Variants in ARID1B observed in about 807,000 individuals in gnomAD.
ARID1B encodes the protein AT-rich interaction domain 1B, also known as AT-rich interactive domain-containing protein 1B.
Under a neutral mutation model 212.3 loss-of-function variants are expected in ARID1B, and 30 were observed. That is an observed-to-expected ratio of 0.14 (90% confidence interval 0.11 to 0.19). The LOEUF (loss-of-function observed/expected upper bound fraction) is 0.19. Ranked by LOEUF, ARID1B falls within the 10% of genes least tolerant of loss-of-function variation. The probability of loss-of-function intolerance (pLI) is 1.00; values close to 1 mark genes in which losing one functional copy is unlikely to be tolerated. For synonymous variants in ARID1B, 1,402 were observed against 1,301.7 expected (o/e 1.08, Z -1.66); for missense variants, 2,891 against 3,204.0 (o/e 0.90, Z 2.36).
intron 2 of ARID1B, among the ~76,000 whole-genome samples, chr6:156,837,834 G>A (rs1156404286): frequency 1.3e-5 from 2 of 152,200 alleles, no homozygotes; most frequent in Non-Finnish European, 1.5e-5. Flanking sequence ...CTTAATCCAG[G>A]CTTCCTCAGG....
rs556109279 is a variant in ARID1B at position 157,050,186 on chromosome 6, T to A, written c.2248-34476T>A. 6.6e-5 allele frequency among the ~76,000 whole-genome samples: 10 copies of A among 152,194 alleles called. No homozygotes were observed. The East Asian group carries it at 1.5e-3, about 23-fold the overall frequency. ...GGCCAAAGGAGCTCCACTTTGTATA[T>A]CATCAATGAAACCCCCTGTACCCAG... On this transcript the variant is annotated intron_variant, in intron 4 of 19. Transcript: ENST00000636930.
At chr6:156,887,960 CTT>C (rs1188016181) in intron 2 of ARID1B, among the ~76,000 whole-genome samples, 1 of 152,162 alleles carries the variant, frequency 6.6e-6, no homozygotes, top group Non-Finnish European at 1.5e-5. Flanking sequence ...TTTGTTGACT[CTT>C]TTAAAATTCT....
At chr6:156,776,092 G>T (rs1310437598), upstream of ARID1B, among the ~76,000 whole-genome samples, 1 of 152,170 alleles carries the variant, frequency 6.6e-6, no homozygotes, top group African/African-American at 2.4e-5. Context: ...GCTGAAGAAT[G>T]AAATAATTTT....
Position 157,190,217 on chromosome 6 carries a change from G to C in ARID1B, c.4231+7G>C. On this transcript the variant is annotated splice_region_variant and intron_variant, in intron 15 of 19. Transcript: ENST00000636930. The surrounding 1 kb of genome is among the most constrained non-coding windows in gnomAD (Gnocchi z 4.6). ...TTTGGGGGAATGAGAAAAGGTACGT[G>C]TAGAGGGGCCTCCACCCGGCCATGG... 1 of 1,603,744 alleles carries C rather than the reference G, an allele frequency of 6.2e-7. No individual in the cohort carries two copies. The highest frequency in any genetic ancestry group is 8.5e-7 in the Non-Finnish European group (1 of 1,176,808).
intron 13 of ARID1B, among the ~76,000 whole-genome samples, chr6:157,188,136 C>A (rs1362081040): frequency 6.6e-6 from 1 of 151,912 alleles, no homozygotes; most frequent in African/African-American, 2.4e-5. Context: ...TATAACAAAC[C>A]CCCATGACAT....
rs1437485006 is a variant in ARID1B, at chr6:156,951,059, A to G, written c.2247+15483A>G. On this transcript the variant is annotated intron_variant, in intron 4 of 19. Transcript: ENST00000636930. ...ATAAAAGTGTTTAAAAATAGCTTGG[A>G]TGAGGTATTCTTTCAACATGTATCC... Among the ~76,000 whole-genome samples the G allele has an allele frequency of 2.0e-5, 3 of 152,216 alleles. No homozygotes were observed. In the East Asian group the frequency reaches 5.8e-4, roughly 29 times the overall value.
chr6:156,831,848 C>T (rs1783164328), intron 2 of ARID1B, among the ~76,000 whole-genome samples: 1 of 152,180 alleles, frequency 6.6e-6, no homozygotes, highest in South Asian at 2.1e-4. Context: ...AAGCACAGAT[C>T]TTTCTGATAA....
At chr6:156,850,042 T>C (rs1327162405) in intron 2 of ARID1B, among the ~76,000 whole-genome samples, 2 of 148,528 alleles carry the variant, frequency 1.3e-5, no homozygotes, top group African/African-American at 5.0e-5. Flanking sequence ...TGGACAACTT[T>C]AAGCACATAG....
At chr6:156,786,714 A>G (rs1052871363) in intron 1 of ARID1B, among the ~76,000 whole-genome samples, 8 of 152,202 alleles carry the variant, frequency 5.3e-5, no homozygotes, top group African/African-American at 7.2e-5. Context: ...CAGACAGTCA[A>G]TTGGCAAATA....
chr6:156,791,460 A>G (rs1299332968), intron 1 of ARID1B, among the ~76,000 whole-genome samples: 1 of 149,108 alleles, frequency 6.7e-6, no homozygotes, highest in Non-Finnish European at 1.5e-5. Flanking sequence ...TGTTTAAGAC[A>G]ACCCCTTACG....
intron 1 of ARID1B, among the ~76,000 whole-genome samples, chr6:156,827,751 ATTCTTTTTTTTTT>A (rs1782842962): frequency 8.7e-6 from 1 of 115,292 alleles, no homozygotes; most frequent in African/African-American, 3.2e-5. Flanking sequence ...TATCCTGGTA[ATTCTTTTTTTTTT>A]TTTTTTTTTT....
intron 2 of ARID1B, among the ~76,000 whole-genome samples, chr6:156,830,623 A>T (rs1344497750): frequency 6.6e-6 from 1 of 152,016 alleles, no homozygotes; most frequent in Non-Finnish European, 1.5e-5. Context: ...TAATTATAAT[A>T]TTGTGTAAGT....
rs1381953925 is a variant in ARID1B, at chr6:156,778,286, G to A, written c.606G>A (p.Gln202=). The A allele has an allele frequency of 2.0e-5, 30 of 1,530,320 alleles. No homozygotes were observed. The highest frequency in any genetic ancestry group is 1.6e-4 in the Admixed American group (8 of 50,744). The allele number at this position is 1,530,320 out of a possible 1,614,324, so 94.8% of individuals were successfully genotyped here. A position where few individuals can be genotyped will look rare whatever the true frequency, so the allele number is the denominator to read the frequency against. The part of the protein sequence containing the change: ...QLNQFQQQQQ[Q]QQQQQQQQQQ... ...ACCAGTTCCAGCAGCAGCAGCAGCAGCAGCAACAGCAGCAGCAGCAGCAGC... is the reference window on the plus strand; with the variant it reads ...ACCAGTTCCAGCAGCAGCAGCAGCAACAGCAACAGCAGCAGCAGCAGCAGC... The change falls in exon 1 of 20, where the codon CAG becomes CAA. Residue 202 remains glutamine (Q), a synonymous_variant. Coordinates refer to ENST00000636930, the MANE Select transcript of ARID1B (RefSeq NM_001374828.1).
intron 1 of ARID1B, among the ~76,000 whole-genome samples, chr6:156,813,032 A>ATATG (rs1491271226): frequency 6.0e-5 from 3 of 50,402 alleles, no homozygotes; most frequent in African/African-American, 1.3e-4. Context: ...ATGTATATAC[A>ATATG]TATATATATA....
In ARID1B at chr6:156,843,090, G is replaced by C. The variant is rs1784008351; in HGVS notation, c.1986+13669G>C. Among the ~76,000 whole-genome samples the C allele has an allele frequency of 2.0e-5, 3 of 152,198 alleles. No individual in the cohort carries two copies. The South Asian group carries it at 6.2e-4, about 31-fold the overall frequency. On this transcript the variant is annotated intron_variant, in intron 2 of 19. Coordinates refer to ENST00000636930, the MANE Select transcript of ARID1B (RefSeq NM_001374828.1). ...GTTCTCTCATTGGTGTTAGTACGCGGTAGCACCCTTCCAACACTTCATAGT... is the reference window on the plus strand; with the variant it reads ...GTTCTCTCATTGGTGTTAGTACGCGCTAGCACCCTTCCAACACTTCATAGT...
intron 7 of ARID1B, among the ~76,000 whole-genome samples, chr6:157,141,669 TAACC>T (rs1789363464): frequency 6.6e-6 from 1 of 152,234 alleles, no homozygotes; most frequent in South Asian, 2.1e-4. Flanking sequence ...TTAAATATGA[TAACC>T]AGCAAATAAA....
intron 6 of ARID1B, among the ~76,000 whole-genome samples, chr6:157,126,963 A>G (rs17088171): frequency 0.043 from 6,506 of 152,296 alleles, 454 homozygotes; most frequent in African/African-American, 0.15. Flanking sequence ...ATGTTCTGAA[A>G]AAAGCAAGAT....
intron 5 of ARID1B, among the ~76,000 whole-genome samples, chr6:157,099,669 C>T (rs113013645): frequency 5.3e-5 from 8 of 152,276 alleles, no homozygotes; most frequent in African/African-American, 1.7e-4. Flanking sequence ...CTGTTTTCTA[C>T]CTGTTGGCTG....
chr6:157,123,861 G>C (rs763467981), intron 6 of ARID1B, among the ~76,000 whole-genome samples: 7 of 152,254 alleles, frequency 4.6e-5, no homozygotes, highest in Non-Finnish European at 8.8e-5. Context: ...TTTCAGAAAA[G>C]GAAAGTGATG....
Sources: allele counts gnomAD v4.1 joint callset (sites outside exome capture counted in the v4.1 genomes callset), GRCh38; gene constraint gnomAD v4.1.1; non-coding constraint Gnocchi (gnomAD v3.1); transcripts MANE v1.5; gene names NCBI Gene and HGNC (gene_info 2026-07-23, HGNC 2026-07-21).